The following AKAP19 variants were observed in gnomAD, a reference collection of about 807,000 sequenced individuals.
The protein encoded by AKAP19 is A-kinase anchoring protein 19, also known as small A-kinase anchoring protein.
chr2:190,046,769 A>T, the AKAP19 span, among the ~76,000 whole-genome samples: 1 of 152,224 alleles, frequency 6.6e-6, no homozygotes, highest in South Asian at 2.1e-4. Context: ...CTTTTAAGTT[A>T]TGATAGTACT....
At chr2:190,029,787 T>C in the AKAP19 span, among the ~76,000 whole-genome samples, 2 of 152,138 alleles carry the variant, frequency 1.3e-5, no homozygotes, top group Non-Finnish European at 2.9e-5. Context: ...CCCTAGGATA[T>C]ATGTAAAAAT....
the AKAP19 span, among the ~76,000 whole-genome samples, chr2:189,952,846 A>G: frequency 6.6e-6 from 1 of 152,328 alleles, no homozygotes; most frequent in East Asian, 1.9e-4. Context: ...GTTCTTATAT[A>G]ACTATAATGA....
chr2:189,944,067 A>G, the AKAP19 span, among the ~76,000 whole-genome samples: 18 of 152,330 alleles, frequency 1.2e-4, no homozygotes, highest in Non-Finnish European at 2.6e-4. Context: ...TTGGGAATGC[A>G]TACAAGGCGG....
chr2:190,159,315 G>C, the AKAP19 span, among the ~76,000 whole-genome samples: 1,039 of 152,316 alleles, frequency 6.8e-3, 12 homozygotes, highest in African/African-American at 0.024. Flanking sequence ...AGGCTCACTT[G>C]AGTTCTGGGT....
the AKAP19 span, among the ~76,000 whole-genome samples, chr2:190,144,796 G>A: frequency 2.6e-5 from 4 of 152,058 alleles, no homozygotes; most frequent in Admixed American, 1.3e-4. Context: ...GACTAACATG[G>A]TAAAACCTCA....
the AKAP19 span, among the ~76,000 whole-genome samples, chr2:190,048,366 A>G: frequency 2.6e-5 from 4 of 152,196 alleles, no homozygotes; most frequent in African/African-American, 4.8e-5. Context: ...AGACTAACTG[A>G]CACCAAGTAA....
chr2:190,060,386 T>C, the AKAP19 span: 2 of 1,611,090 alleles, frequency 1.2e-6, no homozygotes, highest in Non-Finnish European at 1.7e-6. Flanking sequence ...TAGAGCTAAA[T>C]TTAAAGAAGC....
At chr2:189,929,359 A>G in the AKAP19 span, among the ~76,000 whole-genome samples, 2 of 152,202 alleles carry the variant, frequency 1.3e-5, no homozygotes, top group Non-Finnish European at 2.9e-5. Context: ...ACTATTTCTC[A>G]TGAGGTCTCA....
the AKAP19 span, among the ~76,000 whole-genome samples, chr2:190,187,076 G>C: frequency 6.6e-6 from 1 of 152,146 alleles, no homozygotes; most frequent in African/African-American, 2.4e-5. Flanking sequence ...CTGACCTCAG[G>C]TGATCTGCCC....
chr2:189,963,199 C>CTTTTTTTTTTTT, the AKAP19 span, among the ~76,000 whole-genome samples: 140 of 136,814 alleles, frequency 1.0e-3, 4 homozygotes, highest in Middle Eastern at 3.9e-3. Context: ...CTTCACTTCT[C>CTTTTTTTTTTTT]TTTTTTTTTT....
At chr2:189,897,554 A>G in the AKAP19 span, among the ~76,000 whole-genome samples, 1 of 152,160 alleles carries the variant, frequency 6.6e-6, no homozygotes, top group East Asian at 1.9e-4. Context: ...ACCCATCTTA[A>G]GCAAATCTGG....
At chr2:190,065,764 A>G in the AKAP19 span, among the ~76,000 whole-genome samples, 1 of 152,188 alleles carries the variant, frequency 6.6e-6, no homozygotes, top group African/African-American at 2.4e-5. Context: ...ATAGAACATA[A>G]CTACTATGAA....
At chr2:189,924,808 G>T in the AKAP19 span, among the ~76,000 whole-genome samples, 2 of 151,900 alleles carry the variant, frequency 1.3e-5, no homozygotes, top group Non-Finnish European at 2.9e-5. Flanking sequence ...GATACTGTGG[G>T]TTATTTTTGT....
chr2:190,000,868 T>C, the AKAP19 span, among the ~76,000 whole-genome samples: 1 of 152,176 alleles, frequency 6.6e-6, no homozygotes, highest in Non-Finnish European at 1.5e-5. Context: ...ACTTGGGGTT[T>C]ATTGGGTTTC....
At chr2:189,884,302 G>A in the AKAP19 span, among the ~76,000 whole-genome samples, 1 of 152,006 alleles carries the variant, frequency 6.6e-6, no homozygotes, top group Non-Finnish European at 1.5e-5. Flanking sequence ...TTGCAAGATG[G>A]TGATGCTGTA....
At chr2:189,891,789 G>A in the AKAP19 span, among the ~76,000 whole-genome samples, 1 of 152,046 alleles carries the variant, frequency 6.6e-6, no homozygotes, top group Non-Finnish European at 1.5e-5. Flanking sequence ...GTCTTGCTAG[G>A]TTGGGAAAGT....
the AKAP19 span, among the ~76,000 whole-genome samples, chr2:189,908,011 T>G: frequency 3.3e-5 from 5 of 152,212 alleles, no homozygotes; most frequent in Non-Finnish European, 7.4e-5. Flanking sequence ...GTTCTTAGTT[T>G]TGATGATCTT....
At chr2:190,052,706 T>A in the AKAP19 span, among the ~76,000 whole-genome samples, 1 of 152,186 alleles carries the variant, frequency 6.6e-6, no homozygotes, top group Non-Finnish European at 1.5e-5. Context: ...TAGGAAAAGG[T>A]TTCTCAATAG....
the AKAP19 span, chr2:189,923,881 C>A: frequency 6.2e-7 from 1 of 1,611,006 alleles, no homozygotes; most frequent in Non-Finnish European, 8.5e-7. Flanking sequence ...ACCTTCAGGC[C>A]ATTAAGAGGG....
Sources: allele counts gnomAD v4.1 joint callset (sites outside exome capture counted in the v4.1 genomes callset), GRCh38; gene constraint gnomAD v4.1.1; transcripts MANE v1.5; gene names NCBI Gene and HGNC (gene_info 2026-07-23, HGNC 2026-07-21).